CCDC158: variants seen among roughly 807,000 people sequenced by gnomAD.
CCDC158 encodes the protein coiled-coil domain-containing protein 158.
Under a neutral mutation model 138.6 loss-of-function variants are expected in CCDC158, and 116 were observed. The observed-to-expected ratio is 0.84, with a 90% CI of 0.72 to 0.98. CCDC158 has a LOEUF of 0.98. Among genes scored for constraint, CCDC158 ranks in the 50% least tolerant of loss-of-function variants. The pLI is 0.00. For missense variants in CCDC158, 1,265 were observed against 1,306.1 expected (o/e 0.97, Z 0.48); for synonymous variants, 436 against 442.4 (o/e 0.99, Z 0.18).
At chr4:76,319,145 G>A (rs575432021) in intron 24 of CCDC158, among the ~76,000 whole-genome samples, 28 of 151,988 alleles carry the variant, frequency 1.8e-4, no homozygotes, top group Non-Finnish European at 2.9e-4. Flanking sequence ...GCTGGTGGGC[G>A]CCTGTAGTCC....
intron 3 of CCDC158, among the ~76,000 whole-genome samples, chr4:76,400,378 G>T (rs1728242880): frequency 7.0e-6 from 1 of 141,886 alleles, no homozygotes; most frequent in African/African-American, 2.6e-5. Context: ...CACAGGGTGG[G>T]GAACATCACA....
At chr4:76,316,890 C>A (rs1238311) in intron 24 of CCDC158, among the ~76,000 whole-genome samples, 20 of 57,586 alleles carry the variant, frequency 3.5e-4, no homozygotes, top group African/African-American at 1.2e-3. Context: ...CAGATAAAGT[C>A]TTTTGCAGAC....
At chr4:76,395,301 C>T (rs1727677912) in intron 4 of CCDC158, among the ~76,000 whole-genome samples, 1 of 152,098 alleles carries the variant, frequency 6.6e-6, no homozygotes, top group Non-Finnish European at 1.5e-5. Context: ...TTTTGTATCC[C>T]TGTGCATACT....
At chr4:76,360,683 CT>C (rs1351443669) in intron 13 of CCDC158, among the ~76,000 whole-genome samples, 1 of 152,186 alleles carries the variant, frequency 6.6e-6, no homozygotes, top group Non-Finnish European at 1.5e-5. Flanking sequence ...CAATTTATCT[CT>C]TTTGGAACAG....
rs1226082404 is a variant in CCDC158 at position 76,383,647 on chromosome 4, C to G, written c.803+15G>C. ...AGTTTCGCTAGGCTTTTCCATACCT[C>G]AGTCAGAAACCTACCTATCTTGGTG... On this transcript the variant is annotated intron_variant, in intron 7 of 24. Transcript: ENST00000682701. The G allele has an allele frequency of 8.2e-6, 13 of 1,595,046 alleles. No individual in the cohort carries two copies. The highest frequency in any genetic ancestry group is 2.2e-5 in the South Asian group (2 of 90,440).
At chr4:76,360,649 G>T (rs1285720703) in intron 13 of CCDC158, among the ~76,000 whole-genome samples, 1 of 152,204 alleles carries the variant, frequency 6.6e-6, no homozygotes, top group Non-Finnish European at 1.5e-5. Flanking sequence ...ACTTGCATGG[G>T]CCCTGTAGCC....
intron 20 of CCDC158, 67 bp from the exon 21 acceptor site, chr4:76,331,470 G>A (rs1315437928): frequency 7.4e-7 from 1 of 1,352,724 alleles, no homozygotes; most frequent in Non-Finnish European, 1.1e-6. Context: ...TATAACAAAA[G>A]TTTGTGAGAA....
At position 76,357,345 on chromosome 4, in the gene CCDC158, G is replaced by GA. The variant is rs759839135; in HGVS notation, c.2173+28dup. On this transcript the variant is annotated intron_variant, in intron 14 of 24. Coordinates refer to ENST00000682701, the MANE Select transcript of CCDC158 (RefSeq NM_001394954.1). Reference sequence around the variant, plus strand: ...TTAGTCCATTAAATTAAAAACAGAAGAAAAAATTTTAAATCTAACAGAGCA... The same window carrying GA: ...TTAGTCCATTAAATTAAAAACAGAAGAAAAAAATTTTAAATCTAACAGAGCA... The GA allele has an allele frequency of 5.5e-6, 8 of 1,451,444 alleles. No homozygotes were observed. In the South Asian group the frequency reaches 1.3e-4, roughly 23 times the overall value. 89.9% of individuals were successfully genotyped at this position (1,451,444 alleles called of 1,614,324 possible). A position where few individuals can be genotyped will look rare whatever the true frequency, so the allele number is the denominator to read the frequency against.
chr4:76,389,701 T>A (rs1241629321), intron 4 of CCDC158, among the ~76,000 whole-genome samples: 1 of 152,154 alleles, frequency 6.6e-6, no homozygotes, highest in East Asian at 1.9e-4. Flanking sequence ...TAAAGGATCC[T>A]GAAAGCAGCA....
At chr4:76,389,136 GA>G (rs1042339529) in intron 4 of CCDC158, among the ~76,000 whole-genome samples, 4 of 152,016 alleles carry the variant, frequency 2.6e-5, no homozygotes, top group African/African-American at 9.6e-5. Context: ...GACCAATTAT[GA>G]AAAAACAGAG....
At chr4:76,410,163 T>G (rs778791465) in intron 2 of CCDC158, among the ~76,000 whole-genome samples, 2 of 152,100 alleles carry the variant, frequency 1.3e-5, no homozygotes, top group Non-Finnish European at 2.9e-5. Flanking sequence ...GTGACTATCA[T>G]AGAATGAATA....
chr4:76,397,828 T>C (rs1209977486), intron 3 of CCDC158, among the ~76,000 whole-genome samples: 1 of 152,222 alleles, frequency 6.6e-6, no homozygotes, highest in Non-Finnish European at 1.5e-5. Flanking sequence ...AGTAGCAATA[T>C]GCATGCCAGA....
intron 17 of CCDC158, among the ~76,000 whole-genome samples, 156 bp downstream of exon 17, chr4:76,351,564 A>G (rs752528188): frequency 6.6e-6 from 1 of 152,236 alleles, no homozygotes; most frequent in Non-Finnish European, 1.5e-5. Flanking sequence ...GGATAGGTAT[A>G]GTATATAACA....
At chr4:76,318,518 T>TA (rs1342124123) in intron 24 of CCDC158, among the ~76,000 whole-genome samples, 2 of 151,990 alleles carry the variant, frequency 1.3e-5, no homozygotes, top group East Asian at 1.9e-4. Flanking sequence ...AAACAGTAAT[T>TA]AAAAAAATGC....
At chr4:76,365,633 A>G (rs547302285) in intron 12 of CCDC158, among the ~76,000 whole-genome samples, 20 of 152,038 alleles carry the variant, frequency 1.3e-4, no homozygotes, top group Admixed American at 5.9e-4. Flanking sequence ...GTTTTTGCCC[A>G]TTTCAGGTTC....
intron 24 of CCDC158, among the ~76,000 whole-genome samples, chr4:76,314,041 G>A (rs1719142916): frequency 6.6e-6 from 1 of 151,524 alleles, no homozygotes; most frequent in African/African-American, 2.4e-5. Context: ...AAACACTTCT[G>A]TGCATTTGTA....
chr4:76,338,079 T>C, intron 18 of CCDC158, among the ~76,000 whole-genome samples: 1 of 152,212 alleles, frequency 6.6e-6, no homozygotes, highest in East Asian at 1.9e-4. Flanking sequence ...TAGATTCTCA[T>C]AGGAGTGCGA....
intron 3 of CCDC158, among the ~76,000 whole-genome samples, chr4:76,399,539 C>T (rs1579081311): frequency 6.6e-6 from 1 of 152,106 alleles, no homozygotes; most frequent in Non-Finnish European, 1.5e-5. Flanking sequence ...AATCTGGCTA[C>T]ATTGGCCAGA....
intron 4 of CCDC158, among the ~76,000 whole-genome samples, chr4:76,395,347 G>T (rs1033368354): frequency 3.9e-5 from 6 of 152,052 alleles, no homozygotes; most frequent in African/African-American, 1.4e-4. Context: ...TAAAATTGTA[G>T]ATTTTTTTTT....
Sources: allele counts gnomAD v4.1 joint callset (sites outside exome capture counted in the v4.1 genomes callset), GRCh38; gene constraint gnomAD v4.1.1; transcripts MANE v1.5; gene names NCBI Gene and HGNC (gene_info 2026-07-23, HGNC 2026-07-21).